The following PTPRD variants were observed in gnomAD, a reference collection of about 807,000 sequenced individuals.
PTPRD encodes protein tyrosine phosphatase receptor type D, also known as receptor-type tyrosine-protein phosphatase delta.
Under a neutral mutation model 214.5 loss-of-function variants are expected in PTPRD, and 34 were observed. The ratio of observed to expected loss-of-function variants is 0.16; its 90% CI spans 0.12 to 0.21. The LOEUF (loss-of-function observed/expected upper bound fraction) is 0.21, where lower values mean the gene tolerates loss of function less well. Ranked by LOEUF, PTPRD falls within the 10% of genes least tolerant of loss-of-function variation. The pLI is 1.00. For missense variants in PTPRD, 2,545 were observed against 2,398.7 expected, an observed-to-expected ratio of 1.06 and a Z score of -1.27; for synonymous variants, 1,128 against 845.7, an observed-to-expected ratio of 1.33 and a Z score of -5.79.
At chr9:9,601,078 C>A (rs1395591526) in intron 7 of PTPRD, among the ~76,000 whole-genome samples, 1 of 140,322 alleles carries the variant, frequency 7.1e-6, no homozygotes, top group Non-Finnish European at 1.5e-5. Flanking sequence ...TGGTATCACA[C>A]AGGATAAATA....
intron 27 of PTPRD, among the ~76,000 whole-genome samples, chr9:8,492,446 AC>A (rs1288087198): frequency 6.6e-6 from 1 of 152,088 alleles, no homozygotes; most frequent in East Asian, 1.9e-4. Flanking sequence ...ATACGCTTTT[AC>A]TTTTCACCTT....
intron 5 of PTPRD, among the ~76,000 whole-genome samples, chr9:9,833,686 G>GGT (rs1555186506): frequency 6.7e-6 from 1 of 148,592 alleles, no homozygotes; most frequent in African/African-American, 2.5e-5. Flanking sequence ...TCCGGAGAGG[G>GGT]GGGCAGTTCA....
At chr9:10,353,042 C>A (rs1356279656) in intron 2 of PTPRD, among the ~76,000 whole-genome samples, 1 of 151,898 alleles carries the variant, frequency 6.6e-6, no homozygotes, top group African/African-American at 2.4e-5. Context: ...TGGTAATTTG[C>A]CTTTTAACAA....
intron 8 of PTPRD, among the ~76,000 whole-genome samples, chr9:9,570,184 G>T (rs566320677): frequency 6.6e-6 from 1 of 151,360 alleles, no homozygotes; most frequent in South Asian, 2.1e-4. Context: ...TTTTACCCAC[G>T]TCTTTCTAAC....
At chr9:9,080,862 A>G (rs1257664986) in intron 10 of PTPRD, among the ~76,000 whole-genome samples, 1 of 151,640 alleles carries the variant, frequency 6.6e-6, no homozygotes, top group Admixed American at 6.6e-5. Flanking sequence ...ATCATTTTTT[A>G]TTGCATCTAT....
At chr9:9,103,414 A>G (rs2099794027) in intron 10 of PTPRD, among the ~76,000 whole-genome samples, 1 of 152,108 alleles carries the variant, frequency 6.6e-6, no homozygotes, top group African/African-American at 2.4e-5. Context: ...GCATGAAAAA[A>G]TTTTCGTAAG....
chr9:8,674,219 C>G lies in PTPRD; in HGVS notation c.65-37375G>C, dbSNP rs144872091. 8.3e-3 allele frequency among the ~76,000 whole-genome samples: 1,262 copies of G among 152,070 alleles called. 24 individuals are homozygous for G. The highest frequency in any genetic ancestry group is 0.026 in the African/African-American group (1,064 of 41,500). The stretch of plus-strand genomic sequence containing the variant: ...TCATGCCTGTAATCCCGGCACTTTG[C>G]GAGGCCGAGGCAGGCAGATCACAAA... On this transcript the variant is annotated intron_variant, in intron 12 of 45. Coordinates refer to ENST00000381196, the MANE Select transcript of PTPRD (RefSeq NM_002839.4).
At chr9:10,476,775 T>C (rs1566343093) in intron 2 of PTPRD, among the ~76,000 whole-genome samples, 1 of 152,158 alleles carries the variant, frequency 6.6e-6, no homozygotes, top group Non-Finnish European at 1.5e-5. Flanking sequence ...AGCATGGTAC[T>C]GGTACAAAAA....
intron 2 of PTPRD, among the ~76,000 whole-genome samples, chr9:10,600,926 T>C (rs989093721): frequency 6.6e-6 from 1 of 151,782 alleles, no homozygotes; most frequent in African/African-American, 2.4e-5. Flanking sequence ...AAGGCAATTA[T>C]AAATCTTCAT....
At chr9:8,745,965 T>C (rs1175254880) in intron 11 of PTPRD, among the ~76,000 whole-genome samples, 2 of 152,186 alleles carry the variant, frequency 1.3e-5, no homozygotes, top group Non-Finnish European at 2.9e-5. Context: ...ATTTGGTTTT[T>C]CAATTTTTAT....
intron 10 of PTPRD, among the ~76,000 whole-genome samples, chr9:9,123,460 C>G (rs1194983666): frequency 6.6e-5 from 10 of 152,162 alleles, no homozygotes; most frequent in Admixed American, 3.9e-4. Context: ...TGGAAAATCA[C>G]CAGGCTTATT....
intron 12 of PTPRD, among the ~76,000 whole-genome samples, chr9:8,684,474 C>G (rs2097634506): frequency 6.7e-6 from 1 of 148,954 alleles, no homozygotes; most frequent in Non-Finnish European, 1.5e-5. Context: ...CAATGATATC[C>G]CTCTTTCTTT....
intron 3 of PTPRD, among the ~76,000 whole-genome samples, chr9:10,118,021 T>A (rs1591605104): frequency 6.6e-6 from 1 of 152,024 alleles, no homozygotes; most frequent in African/African-American, 2.4e-5. Context: ...AGGAAATGTC[T>A]AATGAATGTA....
intron 27 of PTPRD, among the ~76,000 whole-genome samples, chr9:8,491,192 T>C (rs72694726): frequency 0.015 from 2,358 of 152,314 alleles, 56 homozygotes; most frequent in African/African-American, 0.047. Context: ...GCATTTTCTA[T>C]CTCAATACCG....
chr9:8,963,715 G>T (rs111810602), intron 11 of PTPRD, among the ~76,000 whole-genome samples: 2,771 of 152,074 alleles, frequency 0.018, 80 homozygotes, highest in African/African-American at 0.063. Context: ...AGCCTCCTGG[G>T]CTCAAGTCAT....
chr9:9,369,950 G>C (rs1045500396), intron 9 of PTPRD, among the ~76,000 whole-genome samples: 1 of 152,058 alleles, frequency 6.6e-6, no homozygotes, highest in Non-Finnish European at 1.5e-5. Flanking sequence ...TGAGGGCTCT[G>C]TTCTGTTCCA....
intron 7 of PTPRD, among the ~76,000 whole-genome samples, chr9:9,715,059 G>C (rs139499346): frequency 1.1e-3 from 174 of 152,278 alleles, no homozygotes; most frequent in African/African-American, 4.1e-3. Context: ...GTTTCGTAGA[G>C]AAGAAATTAG....
intron 7 of PTPRD, among the ~76,000 whole-genome samples, chr9:9,595,115 G>A (rs896064791): frequency 2.0e-5 from 3 of 151,498 alleles, no homozygotes; most frequent in Non-Finnish European, 4.4e-5. Context: ...CGGTGAACAG[G>A]GAACGCTTCT....
chr9:10,503,623 T>C (rs2044651993), intron 2 of PTPRD, among the ~76,000 whole-genome samples: 1 of 152,056 alleles, frequency 6.6e-6, no homozygotes, highest in Non-Finnish European at 1.5e-5. Flanking sequence ...TATTGGATAT[T>C]GGAGGTTCTG....
Sources: gnomAD v4.1 joint callset for allele counts (sites outside exome capture counted in the v4.1 genomes callset) on GRCh38, gnomAD v4.1.1 for gene constraint, MANE v1.5 for transcripts, NCBI Gene and HGNC (gene_info 2026-07-23, HGNC 2026-07-21) for gene names.